The following PCDHA8 variants were observed in gnomAD, a reference collection of about 807,000 sequenced individuals.
PCDHA8 encodes protocadherin alpha-8.
Under a neutral mutation model 61.8 loss-of-function variants are expected in PCDHA8, and 53 were observed. The ratio of observed to expected loss-of-function variants is 0.86; its 90% CI spans 0.69 to 1.08. The LOEUF is 1.08. Ranked by LOEUF, PCDHA8 falls within the 50% of genes least tolerant of loss-of-function variation. PCDHA8 has a pLI of 0.00. For synonymous variants in PCDHA8, 618 were observed against 556.6 expected (o/e 1.11, Z -1.55); for missense variants, 1,293 against 1,245.0 (o/e 1.04, Z -0.58).
intron 1 of PCDHA8, chr5:140,862,749 G>C: frequency 1.7e-6 from 1 of 579,636 alleles, no homozygotes; most frequent in Non-Finnish European, 3.3e-6. Flanking sequence ...GGGTGCACGC[G>C]GAGAGCGGCA....
chr5:140,862,550 G>A, intron 1 of PCDHA8: 2 of 458,460 alleles, frequency 4.4e-6, no homozygotes, highest in Admixed American at 2.4e-5. Flanking sequence ...GGAAGTGGCC[G>A]AACAGTGAAC....
chr5:140,982,779 G>A (rs1228586175), intron 3 of PCDHA8, among the ~76,000 whole-genome samples: 2 of 151,918 alleles, frequency 1.3e-5, no homozygotes, highest in African/African-American at 2.4e-5. Context: ...GAAAGTGTGT[G>A]TGCACGCATG....
intron 1 of PCDHA8, chr5:140,882,688 A>G: frequency 1.2e-6 from 2 of 1,614,196 alleles, no homozygotes; most frequent in Non-Finnish European, 8.5e-7. Flanking sequence ...AGAAACGAAT[A>G]ATCATTGCAG....
At chr5:140,876,395 T>C (rs1562712555) in intron 1 of PCDHA8, 2 of 1,613,920 alleles carry the variant, frequency 1.2e-6, no homozygotes, top group Non-Finnish European at 8.5e-7. Flanking sequence ...TATGGTGAAC[T>C]GGATTTTGAA....
chr5:140,983,629 T>C (rs2097059537), intron 3 of PCDHA8, among the ~76,000 whole-genome samples: 1 of 152,228 alleles, frequency 6.6e-6, no homozygotes, highest in African/African-American at 2.4e-5. Flanking sequence ...TTAAGAAATG[T>C]ACCCAAGTTC....
At chr5:140,885,131 CT>C (rs1162868700) in intron 1 of PCDHA8, among the ~76,000 whole-genome samples, 1 of 152,024 alleles carries the variant, frequency 6.6e-6, no homozygotes, top group Non-Finnish European at 1.5e-5. Flanking sequence ...TTCTTTCTTT[CT>C]TTTTTTAAAC....
chr5:140,914,095 C>T (rs1368870998), intron 1 of PCDHA8, among the ~76,000 whole-genome samples: 1 of 152,082 alleles, frequency 6.6e-6, no homozygotes, highest in Admixed American at 6.5e-5. Context: ...TCAATTTGTT[C>T]TATAGTGCAG....
In PCDHA8 at chr5:140,923,298, C is replaced by T. The variant is rs1039610789; in HGVS notation, c.2395-55651C>T. ...TACAAAAAATTAAAAATTAGCTGGG[C>T]GTGGGGGCGCTTGGCCTAGAAGTTC... On this transcript the variant is annotated intron_variant, in intron 1 of 3. Transcript: ENST00000531613. Among the ~76,000 whole-genome samples, 28 of 152,160 alleles carry T rather than the reference C, an allele frequency of 1.8e-4. 1 individual carries two copies. The highest frequency in any genetic ancestry group is 4.8e-4 in the African/African-American group (20 of 41,504).
chr5:140,949,892 C>G (rs2094430270), intron 1 of PCDHA8, among the ~76,000 whole-genome samples: 1 of 151,674 alleles, frequency 6.6e-6, no homozygotes, highest in African/African-American at 2.4e-5. Context: ...TCCTCAGAAT[C>G]TCTTTTAATT....
chr5:140,940,774 G>T (rs1554213602), intron 1 of PCDHA8, among the ~76,000 whole-genome samples: 4 of 151,994 alleles, frequency 2.6e-5, no homozygotes, highest in African/African-American at 7.3e-5. Context: ...GACTTTTGAT[G>T]GTCCATATCC....
chr5:141,009,650 C>G lies in PCDHA8; in HGVS notation c.2566C>G (p.Pro856Ala). Residue 856 changes from proline to alanine, a missense_variant, in exon 4 of 4, where the codon CCT becomes GCT. Transcript: ENST00000531613. The part of the protein sequence containing the change: ...TPEPEAGEVS[P>A]PVGAGVNSNS... ...AGAACCAGAGGCAGGAGAAGTGTCCCCTCCAGTCGGTGCGGGTGTCAACAG... is the reference window on the plus strand; with the variant it reads ...AGAACCAGAGGCAGGAGAAGTGTCCGCTCCAGTCGGTGCGGGTGTCAACAG... 1 of 1,613,886 alleles carries G rather than the reference C, an allele frequency of 6.2e-7. No individual in the cohort carries two copies. Among genetic ancestry groups the G allele is most frequent in the Non-Finnish European group, 8.5e-7 (1 of 1,179,918 alleles).
Position 140,991,900 on chromosome 5 carries a change from ATCCC to A in PCDHA8, c.2542+9339_2542+9342del, listed in dbSNP as rs576684602. Reference sequence around the variant, plus strand: ...GGCTGCCATAACAAATTAACACAAAATCCCTTTTGCCATGTAACATAACATATTC... The same window carrying A: ...GGCTGCCATAACAAATTAACACAAAATTTTGCCATGTAACATAACATATTC... On this transcript the variant is annotated intron_variant, in intron 3 of 3. Coordinates refer to ENST00000531613, the MANE Select transcript of PCDHA8 (RefSeq NM_018911.3). Among the ~76,000 whole-genome samples, 390 of 152,250 alleles carry A rather than the reference ATCCC, an allele frequency of 2.6e-3. 2 individuals carry two copies. The highest frequency in any genetic ancestry group is 4.8e-3 in the South Asian group (23 of 4,818).
In PCDHA8 at chr5:140,904,046, T is replaced by C. The variant is rs2153483198; in HGVS notation, c.2394+60331T>C. 2.0e-5 allele frequency among the ~76,000 whole-genome samples: 3 copies of C among 152,346 alleles called. No homozygotes were observed. The East Asian group carries it at 5.8e-4, about 29-fold the overall frequency. ...GTATAATTTAACTTTTTAATTTTTT[T>C]ATTTCAATGGGTTTTTGGGGAACAG... On this transcript the variant is annotated intron_variant, in intron 1 of 3. Coordinates refer to ENST00000531613, the MANE Select transcript of PCDHA8 (RefSeq NM_018911.3).
Position 140,843,003 on chromosome 5 carries a change from A to G in PCDHA8, c.1682A>G (p.Asn561Ser), listed in dbSNP as rs2150349772. 1.9e-6 allele frequency: 3 copies of G among 1,594,854 alleles called. No individual in the cohort carries two copies. The African/African-American group carries it at 4.0e-5, about 21-fold the overall frequency. Residue 561 changes from asparagine to serine, a missense_variant, in exon 1 of 4, where the codon AAC becomes AGC. By Grantham distance (46) the Asn-to-Ser change is conservative (BLOSUM62 1). Coordinates refer to ENST00000531613, the MANE Select transcript of PCDHA8 (RefSeq NM_018911.3). ...GTGTTCGTGCTGGACGAGAATGACAACGCGCCGGCACTGCTGGAGCCTCGG... is the reference window on the plus strand; with the variant it reads ...GTGTTCGTGCTGGACGAGAATGACAGCGCGCCGGCACTGCTGGAGCCTCGG... ...LQVFVLDEND[N>S]APALLEPRVG... is the part of the protein sequence containing the mutation.
intron 1 of PCDHA8, among the ~76,000 whole-genome samples, chr5:140,957,554 G>A (rs1291687434): frequency 6.6e-6 from 1 of 152,074 alleles, no homozygotes; most frequent in African/African-American, 2.4e-5. Flanking sequence ...ATTCTCTGTG[G>A]AAAAGGAGGG....
chr5:140,869,835 A>G (rs782478328), intron 1 of PCDHA8: 160 of 1,611,656 alleles, frequency 9.9e-5, no homozygotes, highest in Non-Finnish European at 1.3e-4. Context: ...AGTTTGATAA[A>G]TCAGAATATA....
intron 1 of PCDHA8, chr5:140,876,915 C>A: frequency 6.2e-7 from 1 of 1,613,966 alleles, no homozygotes; most frequent in Non-Finnish European, 8.5e-7. Flanking sequence ...CGGCATGGGA[C>A]GCGGACGCGC....
chr5:140,998,594 T>A (rs1396456161), intron 3 of PCDHA8, among the ~76,000 whole-genome samples: 4 of 152,076 alleles, frequency 2.6e-5, no homozygotes, highest in Non-Finnish European at 5.9e-5. Context: ...GACAGAGTTT[T>A]GCTCTTGTTG....
At chr5:140,988,182 G>A (rs191995725) in intron 3 of PCDHA8, among the ~76,000 whole-genome samples, 79 of 152,240 alleles carry the variant, frequency 5.2e-4, no homozygotes, top group African/African-American at 1.5e-3. Flanking sequence ...ACAGTCCTGG[G>A]AGGTGTGTGC....
Sources: allele counts gnomAD v4.1 joint callset (sites outside exome capture counted in the v4.1 genomes callset), GRCh38; gene constraint gnomAD v4.1.1; transcripts MANE v1.5; gene names NCBI Gene and HGNC (gene_info 2026-07-23, HGNC 2026-07-21).